Variants in HECW1 observed in about 807,000 individuals in gnomAD.
The protein encoded by HECW1 is E3 ubiquitin-protein ligase HECW1.
In HECW1, 61 loss-of-function variants were observed where a neutral mutation model predicts 182.3. The observed-to-expected ratio is 0.33, with a 90% CI of 0.27 to 0.41. The LOEUF (loss-of-function observed/expected upper bound fraction) is 0.41, where lower values mean the gene tolerates loss of function less well. Ranked by LOEUF, HECW1 falls within the 10% of genes least tolerant of loss-of-function variation. The pLI, the probability that HECW1 is intolerant of heterozygous loss-of-function variation, is 1.00. For synonymous variants in HECW1, 859 were observed against 832.6 expected (o/e 1.03, Z -0.55); for missense variants, 1,739 against 2,108.9 (o/e 0.82, Z 3.44).
chr7:43,283,337 C>T (rs1440667809), intron 3 of HECW1, among the ~76,000 whole-genome samples: 1 of 152,130 alleles, frequency 6.6e-6, no homozygotes, highest in Non-Finnish European at 1.5e-5. Context: ...TAATCACAAC[C>T]CATTGAAGTC....
chr7:43,280,631 G>T (rs1224322407), intron 3 of HECW1, among the ~76,000 whole-genome samples: 3 of 152,168 alleles, frequency 2.0e-5, no homozygotes, highest in Non-Finnish European at 4.4e-5. Context: ...AGGAGGATGA[G>T]TACTCGTGAT....
intron 28 of HECW1, among the ~76,000 whole-genome samples, chr7:43,553,295 T>C (rs544732504): frequency 7.2e-5 from 11 of 152,290 alleles, no homozygotes; most frequent in African/African-American, 2.6e-4. Context: ...GAGAGTGAGC[T>C]GGGGGCATCG....
intron 2 of HECW1, among the ~76,000 whole-genome samples, chr7:43,197,531 C>T (rs1794582716): frequency 6.6e-6 from 1 of 152,192 alleles, no homozygotes. Flanking sequence ...ACAGAGCGAT[C>T]ACTGCCTCTG....
At chr7:43,179,164 C>T (rs6965871) in intron 2 of HECW1, among the ~76,000 whole-genome samples, 2,030 of 152,236 alleles carry the variant, frequency 0.013, 21 homozygotes, top group Non-Finnish European at 0.021. Flanking sequence ...TCTTGCTTTC[C>T]GCAGAAAATA....
chr7:43,555,327 A>G (rs1027665803), intron 29 of HECW1, among the ~76,000 whole-genome samples: 5 of 152,160 alleles, frequency 3.3e-5, no homozygotes, highest in African/African-American at 1.2e-4. Flanking sequence ...AATGTGGAAA[A>G]GGAGACGCTG....
intron 8 of HECW1, among the ~76,000 whole-genome samples, chr7:43,436,163 CAAAAAAAAAAA>C (rs750081980): frequency 6.0e-5 from 4 of 67,046 alleles, no homozygotes; most frequent in Non-Finnish European, 8.5e-5. Flanking sequence ...GACTTTGTCT[CAAAAAAAAAAA>C]AAAAAAAAAA....
chr7:43,419,523 A>G (rs1264794065), intron 8 of HECW1, among the ~76,000 whole-genome samples: 3 of 152,200 alleles, frequency 2.0e-5, no homozygotes, highest in Non-Finnish European at 4.4e-5. Context: ...CTTCTGTGCT[A>G]TTCTTTGTAA....
chr7:43,418,247 T>G lies in HECW1; in HGVS notation c.801+10516T>G, dbSNP rs1397181478. Among the ~76,000 whole-genome samples, 6 of 152,200 alleles carry G rather than the reference T, an allele frequency of 3.9e-5. 1 individual carries two copies. The highest frequency in any genetic ancestry group is 1.2e-4 in the African/African-American group (5 of 41,454). ...CATCTGTAAAGACCCTATTTCCAAA[T>G]AAGTTTGCATTCAAAAGCACCAGGG... On this transcript the variant is annotated intron_variant, in intron 8 of 29. Transcript: ENST00000395891.
At chr7:43,313,175 T>C (rs1044043610) in intron 4 of HECW1, among the ~76,000 whole-genome samples, 2 of 152,188 alleles carry the variant, frequency 1.3e-5, no homozygotes, top group Non-Finnish European at 2.9e-5. Context: ...AATGTAAAGA[T>C]GGAGGTACAT....
intron 15 of HECW1, among the ~76,000 whole-genome samples, chr7:43,467,729 C>A (rs928400973): frequency 6.6e-6 from 1 of 152,080 alleles, no homozygotes; most frequent in African/African-American, 2.4e-5. Context: ...GTGGACTCAG[C>A]AGCACTTAGG....
At chr7:43,217,027 A>G (rs1292145561) in intron 2 of HECW1, among the ~76,000 whole-genome samples, 1 of 152,118 alleles carries the variant, frequency 6.6e-6, no homozygotes, top group Non-Finnish European at 1.5e-5. Context: ...CAGTCTGATC[A>G]TAGTGGCAGC....
rs1808023863 is a variant in HECW1, at chr7:43,308,294, A to G, written c.28-3469A>G. On this transcript the variant is annotated intron_variant, in intron 3 of 29. Coordinates refer to ENST00000395891, the MANE Select transcript of HECW1 (RefSeq NM_015052.5). ...TATATATTATATGATATATTTATAT[A>G]TATTATATGATATATTTATATATTA... 3.2e-5 allele frequency among the ~76,000 whole-genome samples: 4 copies of G among 126,766 alleles called. No individual in the cohort carries two copies. The South Asian group carries it at 8.7e-4, about 28-fold the overall frequency. 83.2% of individuals were successfully genotyped at this position (126,766 alleles called of 152,430 possible). A position where few individuals can be genotyped will look rare whatever the true frequency, so the allele number is the denominator to read the frequency against.
Position 43,488,420 on chromosome 7 carries a change from G to GAA in HECW1, c.3235-3654_3235-3653insAA, listed in dbSNP as rs1554440431. Among the ~76,000 whole-genome samples the GAA allele has an allele frequency of 3.4e-3, 214 of 63,370 alleles. 1 individual carries two copies. The highest frequency in any genetic ancestry group is 9.1e-3 in the African/African-American group (196 of 21,446). 41.6% of individuals were successfully genotyped at this position (63,370 alleles called of 152,430 possible). A position where few individuals can be genotyped will look rare whatever the true frequency, so the allele number is the denominator to read the frequency against. On this transcript the variant is annotated intron_variant, in intron 17 of 29. Transcript: ENST00000395891. Reference sequence around the variant, plus strand: ...GAAGGAAATGAAAGAAAGAGAGAGAGAGAAAGAAAGAAAGAGAAAGAAAGA... The same window carrying GAA: ...GAAGGAAATGAAAGAAAGAGAGAGAGAAAGAAAGAAAGAAAGAGAAAGAAAGA...
At chr7:43,239,499 G>C (rs933530806) in intron 2 of HECW1, among the ~76,000 whole-genome samples, 4 of 152,194 alleles carry the variant, frequency 2.6e-5, no homozygotes. Context: ...AGAGGGCAAA[G>C]ATAGAAGAGG....
intron 5 of HECW1, among the ~76,000 whole-genome samples, chr7:43,322,470 TGGATCC>T: frequency 6.6e-6 from 1 of 152,282 alleles, no homozygotes; most frequent in Non-Finnish European, 1.5e-5. Context: ...CAAAGCTCCA[TGGATCC>T]TCTTTCCTAT....
intron 5 of HECW1, among the ~76,000 whole-genome samples, chr7:43,332,622 A>G (rs1488707665): frequency 6.6e-6 from 1 of 152,238 alleles, no homozygotes; most frequent in Non-Finnish European, 1.5e-5. Flanking sequence ...AGACAGACAC[A>G]GCAGATGGGA....
intron 19 of HECW1, among the ~76,000 whole-genome samples, chr7:43,498,997 T>C (rs919174007): frequency 2.6e-5 from 4 of 152,058 alleles, no homozygotes; most frequent in African/African-American, 9.7e-5. Flanking sequence ...ATTCATCTTT[T>C]GGGCCAGGCT....
intron 5 of HECW1, among the ~76,000 whole-genome samples, chr7:43,329,724 A>G (rs1460722763): frequency 6.6e-6 from 1 of 152,108 alleles, no homozygotes; most frequent in Admixed American, 6.5e-5. Context: ...ACGGCGTGCT[A>G]AGGAGAAGAA....
chr7:43,147,747 A>G (rs1562597537), intron 2 of HECW1, among the ~76,000 whole-genome samples: 3 of 152,134 alleles, frequency 2.0e-5, no homozygotes, highest in South Asian at 2.1e-4. Context: ...TGTGTGTATC[A>G]GGAGAGTTTC....
Sources: gnomAD v4.1 joint callset for allele counts (sites outside exome capture counted in the v4.1 genomes callset) on GRCh38, gnomAD v4.1.1 for gene constraint, MANE v1.5 for transcripts, NCBI Gene and HGNC (gene_info 2026-07-23, HGNC 2026-07-21) for gene names.